The following CFD variants were observed in gnomAD, a reference collection of about 807,000 sequenced individuals.
CFD encodes complement factor D, also known as C3 convertase activator.
Under a neutral mutation model 21.1 loss-of-function variants are expected in CFD, and 24 were observed. The ratio of observed to expected loss-of-function variants is 1.14; its 90% CI spans 0.82 to 1.60. The LOEUF (loss-of-function observed/expected upper bound fraction) is 1.60. Among genes scored for constraint, CFD ranks in the 40% most tolerant of loss-of-function variants. The pLI is 0.00. For synonymous variants in CFD, 242 were observed against 175.9 expected (o/e 1.38, Z -2.97); for missense variants, 535 against 383.3 (o/e 1.40, Z -3.31).
rs768724373 is a variant in CFD, at chr19:860,700, G to A, written c.139G>A (p.Gly47Ser). 5.8e-6 allele frequency: 9 copies of A among 1,553,310 alleles called. No homozygotes were observed. The East Asian group carries it at 1.4e-4, about 25-fold the overall frequency. The change falls in exon 2 of 5, where the codon GGC becomes AGC. Residue 47 changes from glycine to serine, a missense_variant. Transcript: ENST00000327726. ...CTACATGGCGTCGGTGCAGCTGAAC[G>A]GCGCGCACCTGTGCGGCGGCGTCCT... ...RPYMASVQLN[G>S]AHLCGGVLVA...
intron 3 of CFD, 73 bp downstream of exon 3, chr19:861,078 A>G: frequency 6.7e-7 from 1 of 1,483,022 alleles, no homozygotes; most frequent in African/African-American, 1.5e-5. Context: ...CCCCGCCTAC[A>G]CCGCGCCCCG....
At chr19:862,521 C>T (rs190453978) in intron 4 of CFD, among the ~76,000 whole-genome samples, 1,245 of 8,720 alleles carry the variant, frequency 0.14, 24 homozygotes, top group African/African-American at 0.31. Flanking sequence ...GGGGACGGGG[C>T]GGGGCAGGTG....
At position 861,789 on chromosome 19, in the gene CFD, G is replaced by T. The variant is rs1005958537; in HGVS notation, c.448G>T (p.Val150Leu). ...RDVAPGTLCD[V>L]AGWGIVNHAG... Reference sequence around the variant, plus strand: ...CGTGGCACCGGGAACTCTCTGCGACGTGGCCGGCTGGGGCATAGTCAACCA... The same window carrying T: ...CGTGGCACCGGGAACTCTCTGCGACTTGGCCGGCTGGGGCATAGTCAACCA... Residue 150 changes from valine to leucine, a missense_variant, in exon 4 of 5, where the codon GTG (valine) becomes TTG (leucine). Physicochemically the swap from Val to Leu is conservative, Grantham distance 32 (BLOSUM62 1). Coordinates refer to ENST00000327726, the MANE Select transcript of CFD (RefSeq NM_001928.4). The T allele has an allele frequency of 1.9e-6, 3 of 1,605,100 alleles. No individual in the cohort carries two copies. The highest frequency in any genetic ancestry group is 2.5e-6 in the Non-Finnish European group (3 of 1,179,128).
intron 4 of CFD, among the ~76,000 whole-genome samples, chr19:862,195 G>A (rs2035808814): frequency 7.1e-6 from 1 of 141,496 alleles, no homozygotes; most frequent in African/African-American, 2.7e-5. Flanking sequence ...AAGGTACGGG[G>A]CCTCTGGAGA....
At chr19:862,003 G>T in intron 4 of CFD, 47 bp downstream of exon 4, 2 of 1,511,096 alleles carry the variant, frequency 1.3e-6, no homozygotes, top group South Asian at 2.4e-5. Flanking sequence ...CAGGCCCCGG[G>T]AAGGGCCTGC....
At chr19:860,820 G>T (rs1412441371) in intron 2 of CFD, 41 bp from the exon 3 acceptor site, 5 of 1,555,076 alleles carry the variant, frequency 3.2e-6, no homozygotes, top group Non-Finnish European at 4.3e-6. Flanking sequence ...GCGGTGGGGG[G>T]AGTCGGCTGG....
chr19:863,071 G>C, intron 4 of CFD, 21 bp from the exon 5 acceptor site: 3 of 1,500,800 alleles, frequency 2.0e-6, no homozygotes, highest in East Asian at 2.5e-5. Flanking sequence ...CGCCCCTCAC[G>C]GCCCCGTCCT....
chr19:860,940 C>G lies in CFD; in HGVS notation c.292C>G (p.Leu98Val). The G allele has an allele frequency of 6.2e-7, 1 of 1,601,296 alleles. No homozygotes were observed. Among genetic ancestry groups the G allele is most frequent in the Non-Finnish European group, 8.5e-7 (1 of 1,179,350 alleles). The change falls in exon 3 of 5, where the codon CTC (leucine) becomes GTC (valine). Residue 98 changes from leucine to valine, a missense_variant. Leu to Val is a conservative substitution (Grantham distance 32). Coordinates refer to ENST00000327726, the MANE Select transcript of CFD (RefSeq NM_001928.4). ...PEPSKRLYDV[L>V]RAVPHPDSQP... ...GCCCTCCAAGCGCCTGTACGACGTG[C>G]TCCGCGCAGTGCCCCACCCGGACAG...
Position 861,755 on chromosome 19 carries a change from G to A in CFD, c.414G>A (p.Val138=). 6.2e-7 allele frequency: 1 copy of A among 1,605,802 alleles called. No individual in the cohort carries two copies. Among genetic ancestry groups the A allele is most frequent in the South Asian group, 1.1e-5 (1 of 90,520 alleles). The part of the protein sequence containing the change: ...PAVRPLPWQR[V]DRDVAPGTLC... ...TGCGCCCCCTGCCCTGGCAGCGCGT[G>A]GACCGCGACGTGGCACCGGGAACTC... The change falls in exon 4 of 5, where the codon GTG becomes GTA. Residue 138 remains valine, a synonymous_variant. Coordinates refer to ENST00000327726, the MANE Select transcript of CFD (RefSeq NM_001928.4).
chr19:863,171 G>C lies in CFD; in HGVS notation c.695G>C (p.Arg232Pro), dbSNP rs764710522. 5 of 1,479,864 alleles carry C rather than the reference G, an allele frequency of 3.4e-6. No homozygotes were observed. Among genetic ancestry groups the C allele is most frequent in the Middle Eastern group, 1.7e-4 (1 of 5,786 alleles). 91.7% of individuals were successfully genotyped at this position (1,479,864 alleles called of 1,614,324 possible). A position where few individuals can be genotyped will look rare whatever the true frequency, so the allele number is the denominator to read the frequency against. ...TCGGGCTCGCGCGTTTGCGGCAACC[G>C]CAAGAAGCCCGGGATCTACACCCGC... Reference protein sequence around the residue: ...VTSGSRVCGNRKKPGIYTRVA... With the variant: ...VTSGSRVCGNPKKPGIYTRVA... Residue 232 changes from arginine to proline, a missense_variant, in exon 5 of 5, where the codon CGC becomes CCC. Coordinates refer to ENST00000327726, the MANE Select transcript of CFD (RefSeq NM_001928.4).
Position 861,791 on chromosome 19 carries a change from G to A in CFD, c.450G>A (p.Val150=). 1 of 1,604,820 alleles carries A rather than the reference G, an allele frequency of 6.2e-7. No individual in the cohort carries two copies. Among genetic ancestry groups the A allele is most frequent in the African/African-American group, 1.3e-5 (1 of 75,006 alleles). The part of the protein sequence containing the change: ...RDVAPGTLCD[V]AGWGIVNHAG... The stretch of plus-strand genomic sequence containing the variant: ...TGGCACCGGGAACTCTCTGCGACGT[G>A]GCCGGCTGGGGCATAGTCAACCACG... Residue 150 remains valine, a synonymous_variant, in exon 4 of 5, where the codon GTG becomes GTA. Coordinates refer to ENST00000327726, the MANE Select transcript of CFD (RefSeq NM_001928.4).
At position 863,162 on chromosome 19, in the gene CFD, G is replaced by T; in HGVS notation, c.686G>T (p.Cys229Phe). 4 of 1,513,958 alleles carry T rather than the reference G, an allele frequency of 2.6e-6. No homozygotes were observed. The highest frequency in any genetic ancestry group is 3.5e-6 in the Non-Finnish European group (4 of 1,137,130). The allele number at this position is 1,513,958 out of a possible 1,614,324, so 93.8% of individuals were successfully genotyped here. A position where few individuals can be genotyped will look rare whatever the true frequency, so the allele number is the denominator to read the frequency against. Reference sequence around the variant, plus strand: ...GTGGTCACCTCGGGCTCGCGCGTTTGCGGCAACCGCAAGAAGCCCGGGATC... The same window carrying T: ...GTGGTCACCTCGGGCTCGCGCGTTTTCGGCAACCGCAAGAAGCCCGGGATC... ...EGVVTSGSRVCGNRKKPGIYT... is the reference protein window; with the variant it reads ...EGVVTSGSRVFGNRKKPGIYT... Residue 229 changes from cysteine to phenylalanine, a missense_variant, in exon 5 of 5, where the codon TGC (cysteine) becomes TTC (phenylalanine). By Grantham distance (205) the Cys-to-Phe change is radical. Transcript: ENST00000327726.
At position 863,210 on chromosome 19, in the gene CFD, C is replaced by G; in HGVS notation, c.734C>G (p.Ala245Gly). The G allele has an allele frequency of 6.5e-7, 1 of 1,542,726 alleles. No individual in the cohort carries two copies. Among genetic ancestry groups the G allele is most frequent in the South Asian group, 1.2e-5 (1 of 84,424 alleles). Residue 245 changes from alanine to glycine, a missense_variant, in exon 5 of 5, where the codon GCG becomes GGG. Ala to Gly is a moderately conservative substitution (Grantham distance 60). Coordinates refer to ENST00000327726, the MANE Select transcript of CFD (RefSeq NM_001928.4). The stretch of plus-strand genomic sequence containing the variant: ...ATCTACACCCGCGTGGCGAGCTATG[C>G]GGCCTGGATCGACAGCGTCCTGGCC... ...PGIYTRVASY[A>G]AWIDSVLA
rs897151112 is a variant in CFD at position 861,809 on chromosome 19, C to G, written c.468C>G (p.Val156=). 1.2e-6 allele frequency: 2 copies of G among 1,603,672 alleles called. No homozygotes were observed. The highest frequency in any genetic ancestry group is 1.7e-6 in the Non-Finnish European group (2 of 1,179,140). ...TLCDVAGWGI[V]NHAGRRPDSL... Reference sequence around the variant, plus strand: ...GCGACGTGGCCGGCTGGGGCATAGTCAACCACGCGGGCCGCCGCCCGGACA... The same window carrying G: ...GCGACGTGGCCGGCTGGGGCATAGTGAACCACGCGGGCCGCCGCCCGGACA... The change falls in exon 4 of 5, where the codon GTC becomes GTG. Residue 156 remains valine (V), a synonymous_variant. Coordinates refer to ENST00000327726, the MANE Select transcript of CFD (RefSeq NM_001928.4).
At position 862,442 on chromosome 19, in the gene CFD, A is replaced by G. The variant is rs554518000; in HGVS notation, c.615+486A>G. Among the ~76,000 whole-genome samples, 458 of 135,102 alleles carry G rather than the reference A, an allele frequency of 3.4e-3. 3 individuals are homozygous for G. The highest frequency in any genetic ancestry group is 0.012 in the African/African-American group (428 of 35,924). The allele number at this position is 135,102 out of a possible 152,430, so 88.6% of individuals were successfully genotyped here. On this transcript the variant is annotated intron_variant, in intron 4 of 4. Coordinates refer to ENST00000327726, the MANE Select transcript of CFD (RefSeq NM_001928.4). Reference sequence around the variant, plus strand: ...GGGCTGGAGAAGGGTCAGGGCGGGCAAAAGGGCAGGTGGCAGAGAAAGGGT... The same window carrying G: ...GGGCTGGAGAAGGGTCAGGGCGGGCGAAAGGGCAGGTGGCAGAGAAAGGGT...
At position 861,005 on chromosome 19, in the gene CFD, G is replaced by A. The variant is rs773957525; in HGVS notation, c.357G>A (p.Gln119=). 47 of 1,597,714 alleles carry A rather than the reference G, an allele frequency of 2.9e-5. No homozygotes were observed. The highest frequency in any genetic ancestry group is 3.9e-5 in the Non-Finnish European group (46 of 1,179,334). ...TCGACCACGACCTCCTGCTGCTACA[G>A]GTCGGCCCCGTGTAGCGCAGTCCCT... ...DTIDHDLLLL[Q]LSEKATLGPA... Residue 119 remains glutamine, a splice_region_variant and synonymous_variant, in exon 3 of 5, where the codon CAG becomes CAA. Coordinates refer to ENST00000327726, the MANE Select transcript of CFD (RefSeq NM_001928.4).
At position 863,496 on chromosome 19, in the gene CFD, GGAGGCT is replaced by G. The variant is rs537964407; in HGVS notation, c.*263_*268del. On this transcript the variant is annotated 3_prime_UTR_variant, in exon 5 of 5. Transcript: ENST00000327726. ...GGGTGCTTGTAGTTCCAGCTACTCA[GGAGGCT>G]GAGGTGGGAGGATGACTTGAACGCA... 68 of 543,352 alleles carry G rather than the reference GGAGGCT, an allele frequency of 1.3e-4. No individual in the cohort carries two copies. The highest frequency in any genetic ancestry group is 1.2e-3 in the African/African-American group (64 of 52,860). The allele number at this position is 543,352 out of a possible 1,614,324, so 33.7% of individuals were successfully genotyped here. A position where few individuals can be genotyped will look rare whatever the true frequency, so the allele number is the denominator to read the frequency against.
rs557037291 is a variant in CFD, at chr19:860,530, T to G, written c.56-87T>G. ...GATGGGATTCTTGCGGGGAGCGGCC[T>G]GGGGGGTGAGAGCTGGGATCCCGTC... is the stretch of plus-strand genomic sequence containing the variant. On this transcript the variant is annotated intron_variant, in intron 1 of 4. Coordinates refer to ENST00000327726, the MANE Select transcript of CFD (RefSeq NM_001928.4). 285 of 1,215,750 alleles carry G rather than the reference T, an allele frequency of 2.3e-4. 1 individual carries two copies. In the African/African-American group the frequency reaches 3.9e-3, roughly 17 times the overall value. The allele number at this position is 1,215,750 out of a possible 1,614,324, so 75.3% of individuals were successfully genotyped here.
chr19:863,281 C>T lies in CFD; in HGVS notation c.*43C>T. 1.9e-6 allele frequency: 3 copies of T among 1,542,716 alleles called. No homozygotes were observed. Among genetic ancestry groups the T allele is most frequent in the African/African-American group, 2.7e-5 (2 of 73,880 alleles). The stretch of plus-strand genomic sequence containing the variant: ...GTCAGGGTCACCCAAGCAACAAAGT[C>T]CCGAGCAATGAAGTCATCCACTCCT... On this transcript the variant is annotated 3_prime_UTR_variant, in exon 5 of 5. Coordinates refer to ENST00000327726, the MANE Select transcript of CFD (RefSeq NM_001928.4).
Sources: allele counts gnomAD v4.1 joint callset (sites outside exome capture counted in the v4.1 genomes callset), GRCh38; gene constraint gnomAD v4.1.1; transcripts MANE v1.5; gene names NCBI Gene and HGNC (gene_info 2026-07-23, HGNC 2026-07-21).